The following RAP1GAP variants were observed in gnomAD, a reference collection of about 807,000 sequenced individuals.
RAP1GAP encodes the protein RAP1 GTPase activating protein.
A neutral mutation model predicts 87.2 loss-of-function variants in RAP1GAP; 35 were observed. The observed-to-expected ratio is 0.40, with a 90% CI of 0.31 to 0.53. The LOEUF is 0.53. Ranked by LOEUF, RAP1GAP falls within the 20% of genes least tolerant of loss-of-function variation. The probability of loss-of-function intolerance (pLI) is 0.48; values close to 1 mark genes in which losing one functional copy is unlikely to be tolerated. For missense variants in RAP1GAP, 734 were observed against 898.9 expected, an observed-to-expected ratio of 0.82 and a Z score of 2.35; for synonymous variants, 375 against 363.9, an observed-to-expected ratio of 1.03 and a Z score of -0.35.
chr1:21,606,851 C>G (rs1033278584), intron 17 of RAP1GAP, among the ~76,000 whole-genome samples: 10 of 152,194 alleles, frequency 6.6e-5, no homozygotes, highest in African/African-American at 2.4e-4. Flanking sequence ...CTCTGGACTC[C>G]GCTGCTTCTG....
intron 18 of RAP1GAP, among the ~76,000 whole-genome samples, chr1:21,604,774 A>AGGAT (rs60973008): frequency 6.7e-6 from 1 of 148,516 alleles, no homozygotes; most frequent in African/African-American, 2.5e-5. Flanking sequence ...CAGTCAATAA[A>AGGAT]GGATGGATGG....
chr1:21,608,083 ACC>A, intron 17 of RAP1GAP, 128 bp downstream of exon 17: 1 of 1,306,554 alleles, frequency 7.7e-7, no homozygotes, highest in Non-Finnish European at 1.0e-6. Context: ...CCGGGACTCC[ACC>A]CCCTCAGCCA....
intron 3 of RAP1GAP, among the ~76,000 whole-genome samples, chr1:21,621,358 A>C (rs710946): frequency 0.79 from 120,552 of 152,070 alleles, 48,115 homozygotes; most frequent in East Asian, 0.97. Context: ...CAGCAACTGC[A>C]GGGGTAGCTA....
At chr1:21,639,657 C>T (rs1246873070) in intron 2 of RAP1GAP, among the ~76,000 whole-genome samples, 1 of 152,300 alleles carries the variant, frequency 6.6e-6, no homozygotes, top group East Asian at 1.9e-4. Context: ...GAGTTATGAC[C>T]TCACTCCTGT....
chr1:21,666,476 C>G (rs1262329215), intron 1 of RAP1GAP, among the ~76,000 whole-genome samples: 1 of 152,224 alleles, frequency 6.6e-6, no homozygotes, highest in Non-Finnish European at 1.5e-5. Context: ...TGGGGAGAGG[C>G]TCCCGTGGCA....
At chr1:21,651,947 A>G (rs903243466) in intron 1 of RAP1GAP, 36 of 828,792 alleles carry the variant, frequency 4.3e-5, no homozygotes, top group Non-Finnish European at 4.7e-5. Flanking sequence ...TCCGCGCCCC[A>G]GCGGGCCGCG....
intron 2 of RAP1GAP, among the ~76,000 whole-genome samples, chr1:21,645,127 G>A (rs1308332788): frequency 6.6e-6 from 1 of 152,136 alleles, no homozygotes; most frequent in African/African-American, 2.4e-5. Context: ...CTAAAACCAT[G>A]CCTGGCCTAC....
chr1:21,603,333 T>G lies in RAP1GAP; in HGVS notation c.1429-420A>C. On this transcript the variant is annotated intron_variant, in intron 18 of 24. Coordinates refer to ENST00000374765, the MANE Select transcript of RAP1GAP (RefSeq NM_002885.4). The surrounding 1 kb of genome is among the most constrained non-coding windows in gnomAD (Gnocchi z 6.0). ...AGGGCCCCTCCCCGGAACCTCCAAA[T>G]TGGCTGGGGGAGGTTCTGGCCCAGC... 2.6e-6 allele frequency: 1 copy of G among 386,652 alleles called. No individual in the cohort carries two copies. Among genetic ancestry groups the G allele is most frequent in the Non-Finnish European group, 4.7e-6 (1 of 214,012 alleles). The allele number at this position is 386,652 out of a possible 1,614,324, so 24.0% of individuals were successfully genotyped here.
At chr1:21,612,777 C>T (rs554103730) in intron 10 of RAP1GAP, among the ~76,000 whole-genome samples, 15 of 152,328 alleles carry the variant, frequency 9.8e-5, no homozygotes, top group Admixed American at 3.3e-4. Flanking sequence ...TACCAGCATC[C>T]GAGCAGGAAG....
At chr1:21,646,653 G>A (rs988153114) in intron 2 of RAP1GAP, among the ~76,000 whole-genome samples, 3 of 152,130 alleles carry the variant, frequency 2.0e-5, no homozygotes, top group African/African-American at 4.8e-5. Flanking sequence ...TTTTCAGAAC[G>A]CTCCTACCTT....
chr1:21,645,520 G>C (rs1454206752), intron 2 of RAP1GAP, among the ~76,000 whole-genome samples: 1 of 152,226 alleles, frequency 6.6e-6, no homozygotes, highest in Non-Finnish European at 1.5e-5. Context: ...AAAATAAAGA[G>C]AAGTGGCTGC....
chr1:21,617,548 G>A (rs150959892), intron 6 of RAP1GAP, 57 bp from the exon 7 acceptor site: 36,739 of 1,529,548 alleles, frequency 0.024, 560 homozygotes, highest in Non-Finnish European at 0.028. Context: ...GGCGCCCCAG[G>A]ACACCCTCCC....
In RAP1GAP at chr1:21,613,521, C is replaced by A; in HGVS notation, c.474+107G>T. 2 of 1,101,728 alleles carry A rather than the reference C, an allele frequency of 1.8e-6. No individual in the cohort carries two copies. The highest frequency in any genetic ancestry group is 1.4e-6 in the Non-Finnish European group (1 of 724,384). The allele number at this position is 1,101,728 out of a possible 1,614,324, so 68.2% of individuals were successfully genotyped here. ...ACAGCCTCAGGATAGGGCGGCAGGC[C>A]AGGGCTAGGGCCTACAGCTGAAGGG... On this transcript the variant is annotated intron_variant, in intron 9 of 24. Coordinates refer to ENST00000374765, the MANE Select transcript of RAP1GAP (RefSeq NM_002885.4). The surrounding 1 kb of genome is among the most constrained non-coding windows in gnomAD (Gnocchi z 4.7).
intron 10 of RAP1GAP, among the ~76,000 whole-genome samples, chr1:21,612,840 C>T (rs539592775): frequency 1.1e-4 from 17 of 152,294 alleles, no homozygotes; most frequent in Admixed American, 2.6e-4. Flanking sequence ...AAGGCAAGGC[C>T]GGTAGAAAAG....
In RAP1GAP at chr1:21,603,741, G is replaced by T; in HGVS notation, c.1429-828C>A. 7.3e-7 allele frequency: 1 copy of T among 1,379,158 alleles called. No homozygotes were observed. The highest frequency in any genetic ancestry group is 1.0e-6 in the Non-Finnish European group (1 of 969,926). 85.4% of individuals were successfully genotyped at this position (1,379,158 alleles called of 1,614,324 possible). ...CCTGGGGCCTGTCCCGGGGGCAGAG[G>T]GGCAACGTCCCCAATATGGCCTCCG... On this transcript the variant is annotated intron_variant, in intron 18 of 24. Coordinates refer to ENST00000374765, the MANE Select transcript of RAP1GAP (RefSeq NM_002885.4). This position sits in a 1 kb window ranked among gnomAD's most constrained non-coding sequence, Gnocchi z 6.0.
chr1:21,619,999 A>G lies in RAP1GAP; in HGVS notation c.18+16T>C, dbSNP rs186181026. On this transcript the variant is annotated intron_variant, in intron 4 of 24. Transcript: ENST00000374765. ...GCTCTGTGGCTCCCCAGAACAGGCCACAGAGCCATCCTCACCTGCATCTTC... is the reference window on the plus strand; with the variant it reads ...GCTCTGTGGCTCCCCAGAACAGGCCGCAGAGCCATCCTCACCTGCATCTTC... The G allele has an allele frequency of 4.6e-5, 74 of 1,613,752 alleles. No homozygotes were observed. The African/African-American group carries it at 9.3e-4, about 20-fold the overall frequency.
At chr1:21,642,011 T>C (rs2095568912) in intron 2 of RAP1GAP, among the ~76,000 whole-genome samples, 1 of 152,180 alleles carries the variant, frequency 6.6e-6, no homozygotes, top group Non-Finnish European at 1.5e-5. Context: ...TCACTCACCG[T>C]GAGGCAGGGG....
chr1:21,655,484 ACACTGGCCTCACTGGCC>A (rs1304512130), intron 1 of RAP1GAP, among the ~76,000 whole-genome samples: 2 of 152,312 alleles, frequency 1.3e-5, no homozygotes, highest in Non-Finnish European at 1.5e-5. Flanking sequence ...ACATCCCATG[ACACTGGCCTCACTGGCC>A]CACTGTGACA....
Position 21,603,685 on chromosome 1 carries a change from A to G in RAP1GAP, c.1429-772T>C, listed in dbSNP as rs753987743. The stretch of plus-strand genomic sequence containing the variant: ...GGCCCCAAAGCAGGTGCTGAGTGCC[A>G]TCGGAGCTGCCGCCACTCCATCCCG... On this transcript the variant is annotated intron_variant, in intron 18 of 24. Transcript: ENST00000374765. The surrounding 1 kb of genome is among the most constrained non-coding windows in gnomAD (Gnocchi z 6.0). The G allele has an allele frequency of 5.8e-6, 5 of 857,286 alleles. No individual in the cohort carries two copies. In the South Asian group the frequency reaches 6.6e-5, roughly 11 times the overall value. The allele number at this position is 857,286 out of a possible 1,614,324, so 53.1% of individuals were successfully genotyped here. A position where few individuals can be genotyped will look rare whatever the true frequency, so the allele number is the denominator to read the frequency against.
Sources: gnomAD v4.1 joint callset for allele counts (sites outside exome capture counted in the v4.1 genomes callset) on GRCh38, gnomAD v4.1.1 for gene constraint, Gnocchi (gnomAD v3.1) non-coding constraint, MANE v1.5 for transcripts, NCBI Gene and HGNC (gene_info 2026-07-23, HGNC 2026-07-21) for gene names.